Variants in BLTP2 observed in about 807,000 individuals in gnomAD.
The protein encoded by BLTP2 is bridge-like lipid transfer protein family member 2.
chr17:28,632,447 C>T, the BLTP2 span, among the ~76,000 whole-genome samples: 1 of 152,214 alleles, frequency 6.6e-6, no homozygotes. Context: ...TTTGCATCTC[C>T]CCAAAATTCA....
chr17:28,615,839 G>T, the BLTP2 span: 2 of 1,608,892 alleles, frequency 1.2e-6, no homozygotes, highest in Non-Finnish European at 8.5e-7. Context: ...AAGAGGGGTG[G>T]GGAATACATC....
At chr17:28,635,736 C>T in the BLTP2 span, 3 of 914,256 alleles carry the variant, frequency 3.3e-6, no homozygotes, top group Non-Finnish European at 4.8e-6. Flanking sequence ...CCTGAGTAAT[C>T]ACATTAATTA....
chr17:28,615,028 G>A, the BLTP2 span: 3 of 1,582,592 alleles, frequency 1.9e-6, no homozygotes, highest in African/African-American at 4.1e-5. Context: ...CTGAGCCAGA[G>A]TCAGATCCTG....
chr17:28,630,642 A>T, the BLTP2 span, among the ~76,000 whole-genome samples: 3 of 151,796 alleles, frequency 2.0e-5, no homozygotes, highest in Admixed American at 6.6e-5. Flanking sequence ...CACCATTCCC[A>T]GCTAATTCTT....
chr17:28,615,181 A>G, the BLTP2 span: 1 of 1,614,080 alleles, frequency 6.2e-7, no homozygotes, highest in African/African-American at 1.3e-5. Context: ...GGTCCGATTT[A>G]GTTTCTAGCT....
At chr17:28,627,764 C>T in the BLTP2 span, among the ~76,000 whole-genome samples, 2 of 152,020 alleles carry the variant, frequency 1.3e-5, no homozygotes, top group Middle Eastern at 3.2e-3. Flanking sequence ...AAGCGAATCT[C>T]GTGCCTTAGC....
At chr17:28,625,125 C>T in the BLTP2 span, among the ~76,000 whole-genome samples, 1 of 152,036 alleles carries the variant, frequency 6.6e-6, no homozygotes, top group South Asian at 2.1e-4. Flanking sequence ...ATCACGAGGT[C>T]AGGATATTGA....
At chr17:28,638,211 G>A in the BLTP2 span, 1 of 1,602,134 alleles carries the variant, frequency 6.2e-7, no homozygotes, top group South Asian at 1.1e-5. Flanking sequence ...ACAGGATGAG[G>A]AAAGCTGTGC....
the BLTP2 span, chr17:28,632,156 T>C: frequency 8.1e-6 from 13 of 1,614,062 alleles, no homozygotes; most frequent in Non-Finnish European, 1.1e-5. Flanking sequence ...CAGATAGGCC[T>C]TGTGACACTT....
chr17:28,620,022 G>T, the BLTP2 span: 1 of 1,605,808 alleles, frequency 6.2e-7, no homozygotes, highest in South Asian at 1.1e-5. Context: ...GTTCCTAAAG[G>T]AATGGAAAGG....
At chr17:28,643,149 GAGA>G in the BLTP2 span, 5 of 1,614,158 alleles carry the variant, frequency 3.1e-6, no homozygotes, top group Admixed American at 5.0e-5. Context: ...AGGATAGCAG[GAGA>G]AGTTGTCTCA....
At chr17:28,635,343 C>T in the BLTP2 span, 1 of 1,614,220 alleles carries the variant, frequency 6.2e-7, no homozygotes, top group Non-Finnish European at 8.5e-7. Flanking sequence ...GGGTAATGAA[C>T]TTGTCCTCAG....
the BLTP2 span, among the ~76,000 whole-genome samples, chr17:28,641,183 T>G: frequency 6.6e-6 from 1 of 152,210 alleles, no homozygotes; most frequent in African/African-American, 2.4e-5. Context: ...CCCTCCATAT[T>G]GGTGAGTTTC....
chr17:28,637,184 A>T, the BLTP2 span: 1 of 1,612,270 alleles, frequency 6.2e-7, no homozygotes, highest in East Asian at 2.2e-5. Context: ...ACAACCAGAA[A>T]CCATGTCAGC....
the BLTP2 span, chr17:28,620,209 A>G: frequency 1.5e-6 from 1 of 647,606 alleles, no homozygotes; most frequent in Non-Finnish European, 2.6e-6. Context: ...GGTCAGGCCC[A>G]ACAGGATGGG....
chr17:28,642,398 C>G, the BLTP2 span: 1 of 1,408,872 alleles, frequency 7.1e-7, no homozygotes, highest in Non-Finnish European at 1.0e-6. Flanking sequence ...ACGCCTGTAA[C>G]CCCAGCACTT....
chr17:28,644,002 G>C, the BLTP2 span: 1 of 1,551,234 alleles, frequency 6.4e-7, no homozygotes, highest in South Asian at 1.2e-5. Flanking sequence ...GAAATTAAGA[G>C]TTTAAATTCA....
chr17:28,621,299 T>A, the BLTP2 span: 8 of 1,413,200 alleles, frequency 5.7e-6, no homozygotes, highest in Non-Finnish European at 6.0e-6. Flanking sequence ...ATGGTCCTAC[T>A]CCAGCATACA....
the BLTP2 span, chr17:28,639,494 T>C: frequency 6.2e-7 from 1 of 1,613,454 alleles, no homozygotes; most frequent in African/African-American, 1.3e-5. Context: ...TGGGTTTGGG[T>C]TTTATTTCAC....
Sources: allele counts gnomAD v4.1 joint callset (sites outside exome capture counted in the v4.1 genomes callset), GRCh38; gene constraint gnomAD v4.1.1; transcripts MANE v1.5; gene names NCBI Gene and HGNC (gene_info 2026-07-23, HGNC 2026-07-21).